ME1: variants seen among roughly 807,000 people sequenced by gnomAD.
The protein encoded by ME1 is NADP-dependent malic enzyme.
In ME1, 74 loss-of-function variants were observed where a neutral mutation model predicts 66.4. That is an observed-to-expected ratio of 1.11 (90% CI 0.92 to 1.35). ME1 has a LOEUF of 1.35. Among genes scored for constraint, ME1 ranks in the 40% most tolerant of loss-of-function variants. ME1 has a pLI of 0.00. For synonymous variants in ME1, 251 were observed against 235.6 expected (o/e 1.07, Z -0.60); for missense variants, 750 against 694.1 (o/e 1.08, Z -0.90).
chr6:83,321,790 T>C (rs1409232321), intron 5 of ME1, among the ~76,000 whole-genome samples: 1 of 152,204 alleles, frequency 6.6e-6, no homozygotes, highest in African/African-American at 2.4e-5. Context: ...CAGCACAGCA[T>C]TTGAGCTCTG....
At chr6:83,225,398 G>A (rs1051587042) in intron 11 of ME1, among the ~76,000 whole-genome samples, 2 of 152,082 alleles carry the variant, frequency 1.3e-5, no homozygotes, top group East Asian at 3.9e-4. Context: ...TATTTGAAAA[G>A]TCTAAAGCAT....
chr6:83,400,278 T>C (rs528169867), intron 2 of ME1, among the ~76,000 whole-genome samples: 1 of 152,204 alleles, frequency 6.6e-6, no homozygotes, highest in Non-Finnish European at 1.5e-5. Context: ...GTTCTTGCTC[T>C]GAGTTGATGT....
intron 3 of ME1, among the ~76,000 whole-genome samples, chr6:83,375,196 T>C (rs560551668): frequency 1.3e-5 from 2 of 152,204 alleles, no homozygotes; most frequent in Non-Finnish European, 2.9e-5. Flanking sequence ...AGTATGGCCA[T>C]TTTCACAATA....
At chr6:83,371,622 T>C (rs2128547285) in intron 3 of ME1, among the ~76,000 whole-genome samples, 1 of 152,282 alleles carries the variant, frequency 6.6e-6, no homozygotes, top group East Asian at 1.9e-4. Context: ...CAAATTCTTC[T>C]GATATGAGGC....
chr6:83,268,577 C>T (rs1384756505), intron 6 of ME1, among the ~76,000 whole-genome samples: 1 of 151,818 alleles, frequency 6.6e-6, no homozygotes, highest in Non-Finnish European at 1.5e-5. Flanking sequence ...GGAGATTAAA[C>T]TTTTTCGAGA....
intron 7 of ME1, among the ~76,000 whole-genome samples, chr6:83,246,432 T>G (rs1039127086): frequency 2.0e-5 from 3 of 152,160 alleles, no homozygotes; most frequent in African/African-American, 7.2e-5. Context: ...TGTCTCATAC[T>G]GATATGTGTA....
intron 2 of ME1, among the ~76,000 whole-genome samples, chr6:83,399,011 T>C (rs1769794410): frequency 6.6e-6 from 1 of 152,092 alleles, no homozygotes; most frequent in African/African-American, 2.4e-5. Context: ...TTATTTATTT[T>C]GAGACAGAGT....
At chr6:83,262,175 G>A (rs1189471546) in intron 6 of ME1, among the ~76,000 whole-genome samples, 1 of 152,092 alleles carries the variant, frequency 6.6e-6, no homozygotes, top group Non-Finnish European at 1.5e-5. Context: ...TCTGATGGAC[G>A]GCAAAGGTGG....
chr6:83,393,107 C>A (rs1769657037), intron 3 of ME1: 3 of 1,446,346 alleles, frequency 2.1e-6, no homozygotes, highest in Non-Finnish European at 2.9e-6. Flanking sequence ...CCTTCCGTGT[C>A]CCCACTGCCA....
At chr6:83,425,295 A>G (rs1441655432) in intron 1 of ME1, among the ~76,000 whole-genome samples, 1 of 152,080 alleles carries the variant, frequency 6.6e-6, no homozygotes, top group Non-Finnish European at 1.5e-5. Flanking sequence ...GAGCCATCAC[A>G]ACTAGCCTGA....
At chr6:83,376,717 C>T (rs1769297974) in intron 3 of ME1, among the ~76,000 whole-genome samples, 1 of 148,654 alleles carries the variant, frequency 6.7e-6, no homozygotes, top group African/African-American at 2.5e-5. Flanking sequence ...GCAGGAGAAT[C>T]ACCTGAACAT....
In ME1 at chr6:83,352,088, A is replaced by T; in HGVS notation, c.414T>A (p.Asn138Lys). ...HDRGHIASVL[N>K]AWPEDVIKAI... is the part of the protein sequence containing the mutation. ...CCTTGATGACATCTTCTGGCCATGC[A>T]TTGAGAACTGAAGCAATATGCCCTC... Residue 138 changes from asparagine to lysine, a missense_variant, in exon 4 of 14, where the codon AAT becomes AAA. By Grantham distance (94) the Asn-to-Lys change is moderately conservative (BLOSUM62 0). Coordinates refer to ENST00000369705, the MANE Select transcript of ME1 (RefSeq NM_002395.6). 6.3e-7 allele frequency: 1 copy of T among 1,596,946 alleles called. No individual in the cohort carries two copies. Among genetic ancestry groups the T allele is most frequent in the South Asian group, 1.1e-5 (1 of 89,354 alleles).
At chr6:83,228,712 A>C in intron 10 of ME1, 114 bp downstream of exon 10, 1 of 714,764 alleles carries the variant, frequency 1.4e-6, no homozygotes, top group Non-Finnish European at 2.4e-6. Context: ...GCTTGAGCGA[A>C]CGTGTAGTTT....
chr6:83,219,971 C>G (rs1346939864), intron 12 of ME1, among the ~76,000 whole-genome samples: 2 of 152,074 alleles, frequency 1.3e-5, no homozygotes, highest in Non-Finnish European at 2.9e-5. Context: ...AGATCTGGCT[C>G]TACAGTGTAT....
At chr6:83,304,406 G>C (rs1239088545) in intron 6 of ME1, among the ~76,000 whole-genome samples, 1 of 152,162 alleles carries the variant, frequency 6.6e-6, no homozygotes, top group Non-Finnish European at 1.5e-5. Context: ...CTGCAAACCT[G>C]TCCCAGGCAG....
chr6:83,307,745 C>T (rs1461237651), intron 6 of ME1, among the ~76,000 whole-genome samples: 1 of 151,920 alleles, frequency 6.6e-6, no homozygotes, highest in Non-Finnish European at 1.5e-5. Flanking sequence ...GAAAAAGACC[C>T]TTCCCTGTTG....
intron 3 of ME1, among the ~76,000 whole-genome samples, chr6:83,379,005 T>G (rs1053403769): frequency 2.0e-5 from 3 of 152,186 alleles, no homozygotes; most frequent in Admixed American, 6.5e-5. Context: ...GGTTACTTAT[T>G]TATTATAGAA....
chr6:83,328,862 A>G (rs1306081928), intron 5 of ME1, among the ~76,000 whole-genome samples: 1 of 152,162 alleles, frequency 6.6e-6, no homozygotes, highest in Non-Finnish European at 1.5e-5. Context: ...AGAAAAGGAA[A>G]AAGACTGGGG....
intron 7 of ME1, among the ~76,000 whole-genome samples, chr6:83,246,544 CTATAA>C (rs544499196): frequency 1.2e-3 from 177 of 152,072 alleles, no homozygotes; most frequent in African/African-American, 4.0e-3. Context: ...CTAACCATGT[CTATAA>C]TATATTTTAA....
Sources: gnomAD v4.1 joint callset for allele counts (sites outside exome capture counted in the v4.1 genomes callset) on GRCh38, gnomAD v4.1.1 for gene constraint, MANE v1.5 for transcripts, NCBI Gene and HGNC (gene_info 2026-07-23, HGNC 2026-07-21) for gene names.